The following DNAAF1 variants were observed in gnomAD, a reference collection of about 807,000 sequenced individuals.
The protein encoded by DNAAF1 is dynein assembly factor 1, axonemal.
A neutral mutation model predicts 71.1 loss-of-function variants in DNAAF1; 65 were observed. That is an observed-to-expected ratio of 0.91 (90% CI 0.75 to 1.12). DNAAF1 has a LOEUF of 1.12. DNAAF1 is among the 50% of genes most tolerant of loss of function. The pLI, the probability that DNAAF1 is intolerant of heterozygous loss-of-function variation, is 0.00. For synonymous variants in DNAAF1, 414 were observed against 354.6 expected (o/e 1.17, Z -1.88); for missense variants, 1,178 against 899.8 (o/e 1.31, Z -3.96).
At chr16:84,147,403 T>C (rs1484067587) in intron 1 of DNAAF1, among the ~76,000 whole-genome samples, 1 of 152,246 alleles carries the variant, frequency 6.6e-6, no homozygotes, top group African/African-American at 2.4e-5. Flanking sequence ...TGCGGTTGAA[T>C]TGGCCAATTT....
intron 7 of DNAAF1, among the ~76,000 whole-genome samples, chr16:84,166,565 G>C (rs139908305): frequency 6.6e-6 from 1 of 151,370 alleles, no homozygotes; most frequent in East Asian, 2.0e-4. Flanking sequence ...TAGAGATGGG[G>C]TCTTACTATG....
At chr16:84,163,772 C>T (rs147764797) in intron 6 of DNAAF1, among the ~76,000 whole-genome samples, 1,815 of 152,044 alleles carry the variant, frequency 0.012, 44 homozygotes, top group African/African-American at 0.042. Context: ...ATGTTGAGCA[C>T]GTTTCATGTA....
Position 84,165,795 on chromosome 16 carries a change from G to A in DNAAF1, c.876G>A (p.Glu292=), listed in dbSNP as rs762402042. The A allele has an allele frequency of 1.1e-5, 17 of 1,613,700 alleles. No homozygotes were observed. The highest frequency in any genetic ancestry group is 1.7e-6 in the Non-Finnish European group (2 of 1,179,956). The change falls in exon 7 of 12, where the codon GAG becomes GAA. Residue 292 remains glutamate (E), a synonymous_variant. Transcript: ENST00000378553. ...PVFPKDRACA[E]AWARGGYAAE... is the part of the protein sequence containing the mutation. ...GTTTTTTAAACAGAGCTTGTGCGGAGGCCTGGGCTAGGGGAGGGTACGCAG... is the reference window on the plus strand; with the variant it reads ...GTTTTTTAAACAGAGCTTGTGCGGAAGCCTGGGCTAGGGGAGGGTACGCAG...
chr16:84,149,220 G>A, intron 2 of DNAAF1, 78 bp downstream of exon 2: 2 of 1,565,558 alleles, frequency 1.3e-6, no homozygotes, highest in Non-Finnish European at 1.8e-6. Flanking sequence ...TACGGATAAT[G>A]AAATAGAGGC....
rs1555526915 is a variant in DNAAF1, at chr16:84,176,045, C to CA, written c.1814dup (p.Asn605LysfsTer7). The CA allele has an allele frequency of 1.2e-6, 2 of 1,614,134 alleles. No individual in the cohort carries two copies. The highest frequency in any genetic ancestry group is 8.5e-7 in the Non-Finnish European group (1 of 1,180,006). On this transcript the variant is annotated frameshift_variant, in exon 11 of 12. Transcript: ENST00000378553. LOFTEE classifies it high-confidence loss of function. ...GAAAACCTCCCCACAGACACTCTGT[C>CA]AAATATATTTGCAGTCTCTAAAGAC... is the stretch of plus-strand genomic sequence containing the variant.
At chr16:84,162,645 C>G (rs2087768724) in intron 6 of DNAAF1, among the ~76,000 whole-genome samples, 1 of 151,988 alleles carries the variant, frequency 6.6e-6, no homozygotes, top group Non-Finnish European at 1.5e-5. Flanking sequence ...ACGGTGAAAC[C>G]TCATCTCTAC....
At chr16:84,169,787 C>G in intron 7 of DNAAF1, 72 bp from the exon 8 acceptor site, 2 of 1,605,158 alleles carry the variant, frequency 1.2e-6, no homozygotes. Flanking sequence ...GCTGTGAGCC[C>G]TTGATGTACC....
intron 6 of DNAAF1, among the ~76,000 whole-genome samples, chr16:84,160,864 G>A (rs2087672717): frequency 6.6e-6 from 1 of 151,796 alleles, no homozygotes; most frequent in South Asian, 2.1e-4. Context: ...ATAAACCCGG[G>A]AGGCAGAGCT....
intron 2 of DNAAF1, among the ~76,000 whole-genome samples, chr16:84,149,657 C>T (rs371009773): frequency 6.9e-6 from 1 of 144,062 alleles, no homozygotes; most frequent in Non-Finnish European, 1.5e-5. Context: ...TACCACTGCA[C>T]TCCAGCCCGG....
rs533607619 is a variant in DNAAF1, at chr16:84,152,521, A to G, written c.353-2056A>G. Among the ~76,000 whole-genome samples, 79 of 151,484 alleles carry G rather than the reference A, an allele frequency of 5.2e-4. 1 individual carries two copies. Among genetic ancestry groups the G allele is most frequent in the Non-Finnish European group, 7.4e-4 (50 of 67,906 alleles). ...AAAAATTGGCCAGGTGTGATGGTGCATGCCTGTAATCCTAGTTACTTGTGA... is the reference window on the plus strand; with the variant it reads ...AAAAATTGGCCAGGTGTGATGGTGCGTGCCTGTAATCCTAGTTACTTGTGA... On this transcript the variant is annotated intron_variant, in intron 3 of 11. Coordinates refer to ENST00000378553, the MANE Select transcript of DNAAF1 (RefSeq NM_178452.6).
chr16:84,150,471 G>A, intron 3 of DNAAF1, 129 bp downstream of exon 3: 2 of 756,956 alleles, frequency 2.6e-6, no homozygotes, highest in Admixed American at 4.3e-5. Context: ...AAAGTTTAGT[G>A]GAGATTTATG....
intron 7 of DNAAF1, among the ~76,000 whole-genome samples, chr16:84,167,384 G>A (rs1417231103): frequency 1.3e-5 from 2 of 152,076 alleles, no homozygotes; most frequent in Non-Finnish European, 2.9e-5. Flanking sequence ...TCCAGCACGT[G>A]GGCATGATGG....
intron 6 of DNAAF1, among the ~76,000 whole-genome samples, chr16:84,164,828 T>TA (rs1321713982): frequency 6.6e-6 from 1 of 152,176 alleles, no homozygotes; most frequent in African/African-American, 2.4e-5. Flanking sequence ...TTTAGTCCCG[T>TA]AAGAATCCGC....
chr16:84,172,987 C>T (rs1171279602), intron 9 of DNAAF1: 1 of 995,996 alleles, frequency 1.0e-6, no homozygotes, highest in Non-Finnish European at 1.2e-6. Context: ...CATGGGAATT[C>T]ACACATTGTC....
At chr16:84,167,183 G>A (rs2088058455) in intron 7 of DNAAF1, among the ~76,000 whole-genome samples, 1 of 152,044 alleles carries the variant, frequency 6.6e-6, no homozygotes, top group Admixed American at 6.6e-5. Flanking sequence ...ATATTTTCTG[G>A]GTTATTATAT....
At chr16:84,173,009 C>T (rs2088448816) in intron 9 of DNAAF1, 18 of 993,536 alleles carry the variant, frequency 1.8e-5, no homozygotes, top group Admixed American at 5.5e-5. Context: ...CACAACCCCC[C>T]AAGAACTGTC....
intron 6 of DNAAF1, among the ~76,000 whole-genome samples, chr16:84,161,942 T>A (rs1456543985): frequency 6.6e-6 from 1 of 152,168 alleles, no homozygotes; most frequent in Non-Finnish European, 1.5e-5. Flanking sequence ...AGCTCTTACA[T>A]TCACTGCTGG....
At chr16:84,157,663 A>G (rs1159930051) in intron 5 of DNAAF1, among the ~76,000 whole-genome samples, 1 of 152,124 alleles carries the variant, frequency 6.6e-6, no homozygotes, top group African/African-American at 2.4e-5. Context: ...AAAAAATACT[A>G]AAACTAGCAC....
chr16:84,174,689 T>C lies in DNAAF1; in HGVS notation c.1665T>C (p.Asp555=), dbSNP rs576928019. ...FCIDDLPDLE[D]DDETGKSLED... is the part of the protein sequence containing the mutation. ...TTCAGGACCTACCTGACTTGGAAGA[T>C]GATGATGAAACAGGCAAATCTCTGG... The change falls in exon 10 of 12, where the codon GAT becomes GAC. Residue 555 remains aspartate (D), a synonymous_variant. Transcript: ENST00000378553. 8.1e-6 allele frequency: 13 copies of C among 1,614,128 alleles called. No individual in the cohort carries two copies. The African/African-American group carries it at 1.7e-4, about 22-fold the overall frequency.
Sources: allele counts gnomAD v4.1 joint callset (sites outside exome capture counted in the v4.1 genomes callset), GRCh38; gene constraint gnomAD v4.1.1; transcripts MANE v1.5; gene names NCBI Gene and HGNC (gene_info 2026-07-23, HGNC 2026-07-21).